The following CHST11 variants were observed in gnomAD, a reference collection of about 807,000 sequenced individuals.
The protein encoded by CHST11 is C4S-1.
A neutral mutation model predicts 30.4 loss-of-function variants in CHST11; 9 were observed. The observed-to-expected ratio is 0.30, with a 90% confidence interval of 0.18 to 0.52. The LOEUF is 0.52. Among genes scored for constraint, CHST11 ranks in the 20% least tolerant of loss-of-function variants. CHST11 has a pLI of 0.97. For missense variants in CHST11, 348 were observed against 460.6 expected (o/e 0.76, Z 2.24); for synonymous variants, 152 against 187.8 (o/e 0.81, Z 1.56).
At chr12:104,722,599 G>A (rs55945468) in intron 2 of CHST11, among the ~76,000 whole-genome samples, 1,717 of 152,140 alleles carry the variant, frequency 0.011, 34 homozygotes, top group African/African-American at 0.039. Flanking sequence ...GTTTCTGCTT[G>A]TGGAAGAGGA....
chr12:104,709,415 G>A (rs1372405728), intron 2 of CHST11, among the ~76,000 whole-genome samples: 4 of 152,220 alleles, frequency 2.6e-5, no homozygotes, highest in East Asian at 1.9e-4. Context: ...GCTGTCGTCC[G>A]GTAGAGGGAC....
intron 2 of CHST11, among the ~76,000 whole-genome samples, chr12:104,740,827 G>T (rs1012632884): frequency 1.3e-5 from 2 of 152,212 alleles, no homozygotes; most frequent in Admixed American, 1.3e-4. Flanking sequence ...GGCCTAAGAA[G>T]CCGCAGAGAT....
intron 1 of CHST11, among the ~76,000 whole-genome samples, chr12:104,472,010 G>A (rs1010488514): frequency 2.0e-5 from 3 of 152,100 alleles, no homozygotes; most frequent in Non-Finnish European, 2.9e-5. Context: ...ACCCAGGCTG[G>A]AATGCAGTGG....
chr12:104,622,753 A>G (rs974528681), intron 2 of CHST11, among the ~76,000 whole-genome samples: 4 of 152,162 alleles, frequency 2.6e-5, no homozygotes, highest in African/African-American at 4.8e-5. Context: ...TAATGTACCT[A>G]CCTCACAGGT....
intron 1 of CHST11, among the ~76,000 whole-genome samples, chr12:104,495,562 T>C (rs2037791346): frequency 6.6e-6 from 1 of 152,202 alleles, no homozygotes; most frequent in Non-Finnish European, 1.5e-5. Context: ...TTAAACAGTG[T>C]AGTTTTATTA....
At chr12:104,709,775 G>C (rs182806648) in intron 2 of CHST11, among the ~76,000 whole-genome samples, 2 of 152,262 alleles carry the variant, frequency 1.3e-5, no homozygotes, top group Non-Finnish European at 2.9e-5. Flanking sequence ...GGGACAGAGG[G>C]TAACAGCGAA....
intron 1 of CHST11, among the ~76,000 whole-genome samples, chr12:104,497,575 T>C (rs1334246412): frequency 6.6e-6 from 1 of 151,550 alleles, no homozygotes; most frequent in Non-Finnish European, 1.5e-5. Context: ...CCTCACGTAT[T>C]AAAAAAAAAT....
chr12:104,587,160 A>C (rs2038813570), intron 1 of CHST11, among the ~76,000 whole-genome samples: 1 of 152,218 alleles, frequency 6.6e-6, no homozygotes, highest in African/African-American at 2.4e-5. Context: ...TGGTATACAG[A>C]AAAGGCTTCT....
At chr12:104,587,845 G>GT (rs753408501) in intron 1 of CHST11, among the ~76,000 whole-genome samples, 13 of 17,558 alleles carry the variant, frequency 7.4e-4, no homozygotes, top group African/African-American at 1.6e-3. Flanking sequence ...TTTGTTTTTT[G>GT]TTTTTTTTTT....
At chr12:104,479,150 T>C (rs1328716359) in intron 1 of CHST11, among the ~76,000 whole-genome samples, 1 of 151,224 alleles carries the variant, frequency 6.6e-6, no homozygotes, top group Non-Finnish European at 1.5e-5. Flanking sequence ...CAACTCAAAT[T>C]GGTTTAAGCA....
chr12:104,754,257 T>G (rs2040457431), intron 2 of CHST11, among the ~76,000 whole-genome samples: 1 of 152,176 alleles, frequency 6.6e-6, no homozygotes. Context: ...CTCCTGTTTT[T>G]CAGCTCTCCT....
rs913705240 is a variant in CHST11 at position 104,759,454 on chromosome 12, G to A, written c.*1651G>A. 3 of 107,330 alleles carry A rather than the reference G, an allele frequency of 2.8e-5. No homozygotes were observed. The Admixed American group carries it at 3.6e-4, about 13-fold the overall frequency. 6.6% of individuals were successfully genotyped at this position (107,330 alleles called of 1,614,324 possible). ...GCTACTGTATATAATAATAATAATA[G>A]TTTTAATAATAGGGGAGGGTGGGAT... On this transcript the variant is annotated 3_prime_UTR_variant, in exon 3 of 3. Coordinates refer to ENST00000303694, the MANE Select transcript of CHST11 (RefSeq NM_018413.6).
intron 2 of CHST11, among the ~76,000 whole-genome samples, chr12:104,701,751 G>A (rs2039992095): frequency 6.6e-6 from 1 of 152,126 alleles, no homozygotes; most frequent in Admixed American, 6.5e-5. Flanking sequence ...ATGGGAAGTA[G>A]GGGGAAGCCT....
chr12:104,681,997 A>AT (rs578188969), intron 2 of CHST11, among the ~76,000 whole-genome samples: 2,292 of 150,376 alleles, frequency 0.015, 69 homozygotes, highest in African/African-American at 0.053. Context: ...CACCCGGCTA[A>AT]TTTTTTTTTG....
chr12:104,476,247 CAT>C, intron 1 of CHST11, among the ~76,000 whole-genome samples: 1 of 148,246 alleles, frequency 6.7e-6, no homozygotes, highest in Middle Eastern at 3.6e-3. Context: ...ATATGTTACA[CAT>C]ATATGTAATA....
intron 2 of CHST11, among the ~76,000 whole-genome samples, chr12:104,657,168 A>T (rs1203381119): frequency 6.6e-6 from 1 of 152,212 alleles, no homozygotes; most frequent in Non-Finnish European, 1.5e-5. Context: ...CTAACAGTCA[A>T]GGGGAATCAT....
At chr12:104,466,518 GGCCTCTCT>G (rs1386513307) in intron 1 of CHST11, among the ~76,000 whole-genome samples, 1 of 152,178 alleles carries the variant, frequency 6.6e-6, no homozygotes, top group Non-Finnish European at 1.5e-5. Flanking sequence ...GCAAGAAGAT[GGCCTCTCT>G]GCCCCACATC....
rs532085769 is a variant in CHST11 at position 104,627,660 on chromosome 12, C to A, written c.204+25669C>A. On this transcript the variant is annotated intron_variant, in intron 2 of 2. Transcript: ENST00000303694. ...CCACAGCCAACAAGAATGGAGCACTCCCAAGTATTTGACGGGCTTCTTATT... is the reference window on the plus strand; with the variant it reads ...CCACAGCCAACAAGAATGGAGCACTACCAAGTATTTGACGGGCTTCTTATT... 2.0e-5 allele frequency among the ~76,000 whole-genome samples: 3 copies of A among 152,332 alleles called. No homozygotes were observed. In the East Asian group the frequency reaches 5.8e-4, roughly 29 times the overall value.
chr12:104,514,065 C>G, intron 1 of CHST11: 1 of 1,044,888 alleles, frequency 9.6e-7, no homozygotes, highest in South Asian at 1.3e-5. Context: ...TTCTCTAGCT[C>G]TGGTTTACTG....
Sources: gnomAD v4.1 joint callset for allele counts (sites outside exome capture counted in the v4.1 genomes callset) on GRCh38, gnomAD v4.1.1 for gene constraint, MANE v1.5 for transcripts, NCBI Gene and HGNC (gene_info 2026-07-23, HGNC 2026-07-21) for gene names.